CCDC112: variants seen among roughly 807,000 people sequenced by gnomAD.
The protein encoded by CCDC112 is coiled-coil domain containing 112, also known as coiled-coil domain-containing protein 112.
CCDC112 carries 40 observed loss-of-function variants against 66.3 expected under a neutral mutation model. That is an observed-to-expected ratio of 0.60 (90% CI 0.47 to 0.79). The LOEUF (loss-of-function observed/expected upper bound fraction) is 0.79. Ranked by LOEUF, CCDC112 falls within the 30% of genes least tolerant of loss-of-function variation. The pLI, the probability that CCDC112 is intolerant of heterozygous loss-of-function variation, is 0.00. For missense variants in CCDC112, 659 were observed against 603.8 expected, an observed-to-expected ratio of 1.09 and a Z score of -0.96; for synonymous variants, 214 against 197.2, an observed-to-expected ratio of 1.09 and a Z score of -0.71.
chr5:115,295,543 T>G (rs1750113860), intron 1 of CCDC112, among the ~76,000 whole-genome samples: 1 of 152,144 alleles, frequency 6.6e-6, no homozygotes. Context: ...AGATGGAACC[T>G]CTCCTCAGCT....
intron 1 of CCDC112, 64 bp downstream of exon 1, chr5:115,296,363 G>A (rs1750156784): frequency 4.0e-6 from 6 of 1,507,158 alleles, no homozygotes; most frequent in Non-Finnish European, 5.3e-6. Context: ...GAGGGCACCT[G>A]TTCAGCCAGG....
rs146955785 is a variant in CCDC112 at position 115,275,576 on chromosome 5, T to C, written c.558A>G (p.Thr186=). 2.0e-4 allele frequency: 320 copies of C among 1,595,484 alleles called. No homozygotes were observed. In the African/African-American group the frequency reaches 4.0e-3, roughly 20 times the overall value. The change falls in exon 6 of 10, where the codon ACA becomes ACG. Residue 186 remains threonine, a synonymous_variant. Transcript: ENST00000379611. ...ATATGGCACTCAACTCATTATTAGT[T>C]GTCTTCTCTTCTTTAATTAGCTCTT... The part of the protein sequence containing the change: ...IYEELIKEEK[T]TNNELSAISR...
chr5:115,280,835 C>G (rs1367700102), intron 2 of CCDC112, among the ~76,000 whole-genome samples: 1 of 151,818 alleles, frequency 6.6e-6, no homozygotes, highest in Non-Finnish European at 1.5e-5. Context: ...GCCATCATGC[C>G]CAGCCAAAAT....
intron 1 of CCDC112, among the ~76,000 whole-genome samples, chr5:115,288,180 C>A (rs975228676): frequency 6.6e-5 from 10 of 152,146 alleles, no homozygotes; most frequent in African/African-American, 2.2e-4. Flanking sequence ...AGGGTTTTGC[C>A]ATGCTGGCCA....
chr5:115,284,000 A>G (rs1334915164), intron 2 of CCDC112, among the ~76,000 whole-genome samples: 1 of 152,174 alleles, frequency 6.6e-6, no homozygotes, highest in Non-Finnish European at 1.5e-5. Context: ...TATATATTGA[A>G]AATTTAAAAT....
chr5:115,271,620 G>A lies in CCDC112; in HGVS notation c.925C>T (p.Gln309Ter). ...ALEERKKESIQIWKTKKQQKR... is the reference protein window; with the variant it reads ...ALEERKKESI ...TGCTGCTTTTTAGTTTTCCAAATCT[G>A]AATTGACTAAATGATTTTTTTAAAA... Residue 309 changes from glutamine to a stop codon, truncating the protein, a stop_gained, in exon 7 of 10, where the codon CAG (glutamine) becomes TAG (stop). Transcript: ENST00000379611. LOFTEE classifies it high-confidence loss of function. 6.7e-7 allele frequency: 1 copy of A among 1,500,704 alleles called. No individual in the cohort carries two copies. The highest frequency in any genetic ancestry group is 8.8e-7 in the Non-Finnish European group (1 of 1,130,724). The allele number at this position is 1,500,704 out of a possible 1,614,324, so 93.0% of individuals were successfully genotyped here. A position where few individuals can be genotyped will look rare whatever the true frequency, so the allele number is the denominator to read the frequency against.
At chr5:115,294,102 CTT>C (rs1178500692) in intron 1 of CCDC112, among the ~76,000 whole-genome samples, 1 of 152,076 alleles carries the variant, frequency 6.6e-6, no homozygotes, top group Non-Finnish European at 1.5e-5. Flanking sequence ...AATGTGTTAA[CTT>C]TTCATAATGA....
In CCDC112 at chr5:115,296,442, C is replaced by T; in HGVS notation, c.102G>A (p.Thr34=). The change falls in exon 1 of 10, where the codon ACG becomes ACA. Residue 34 remains threonine (T), a synonymous_variant. Transcript: ENST00000379611. ...CCGGATTTACCTGTTGAGGCGCTGG[C>T]GTCGCTCCCACGCCGGTCCCGGTGG... is the stretch of plus-strand genomic sequence containing the variant. ...GAATGTGVGA[T]PAPQQSDGCF... 1 of 1,566,722 alleles carries T rather than the reference C, an allele frequency of 6.4e-7. No homozygotes were observed. The highest frequency in any genetic ancestry group is 8.6e-7 in the Non-Finnish European group (1 of 1,164,418).
intron 3 of CCDC112, among the ~76,000 whole-genome samples, chr5:115,278,056 G>A (rs1749284219): frequency 6.6e-6 from 1 of 152,020 alleles, no homozygotes; most frequent in African/African-American, 2.4e-5. Context: ...GGCTTGTTCT[G>A]TGTTTTTCAT....
intron 1 of CCDC112, chr5:115,296,051 C>G: frequency 1.0e-6 from 1 of 1,003,846 alleles, no homozygotes; most frequent in Non-Finnish European, 1.2e-6. Context: ...GCACAGAGTC[C>G]CCCTCCAATC....
Position 115,267,842 on chromosome 5 carries a change from A to T in CCDC112, c.*34T>A, listed in dbSNP as rs1748800070. On this transcript the variant is annotated 3_prime_UTR_variant, in exon 10 of 10. Coordinates refer to ENST00000379611, the MANE Select transcript of CCDC112 (RefSeq NM_001040440.3). ...CTCCCTGGTATAACTTAGTATGTTA[A>T]CATTCTTATCAACTGAGTAGCAATT... is the stretch of plus-strand genomic sequence containing the variant. The T allele has an allele frequency of 6.4e-7, 1 of 1,552,204 alleles. No homozygotes were observed. The highest frequency in any genetic ancestry group is 8.9e-7 in the Non-Finnish European group (1 of 1,124,164).
chr5:115,278,129 T>C (rs1749287484), intron 3 of CCDC112, among the ~76,000 whole-genome samples: 1 of 152,168 alleles, frequency 6.6e-6, no homozygotes. Context: ...GGTCTTACTG[T>C]TGAACTTTAG....
intron 1 of CCDC112, among the ~76,000 whole-genome samples, chr5:115,287,286 G>C (rs573248689): frequency 3.3e-5 from 5 of 152,244 alleles, no homozygotes; most frequent in Admixed American, 3.3e-4. Flanking sequence ...ATGATGTTGA[G>C]CATTTTTTTC....
rs1031446208 is a variant in CCDC112 at position 115,279,668 on chromosome 5, T to A, written c.340A>T (p.Ile114Phe). The A allele has an allele frequency of 3.1e-6, 5 of 1,611,772 alleles. No individual in the cohort carries two copies. In the African/African-American group the frequency reaches 6.7e-5, roughly 22 times the overall value. The change falls in exon 3 of 10, where the codon ATT becomes TTT. Residue 114 changes from isoleucine (I) to phenylalanine (F), a missense_variant. Ile to Phe is a conservative substitution (Grantham distance 21). Coordinates refer to ENST00000379611, the MANE Select transcript of CCDC112 (RefSeq NM_001040440.3). ...SMLEELENKL[I>F]HSRKTERAKI... ...TTACTTTCTGTTTTCCTGCTGTGAA[T>A]CAATTTATTTTCCAATTCTTCTAGC... is the stretch of plus-strand genomic sequence containing the variant.
At chr5:115,289,529 A>G (rs988481686) in intron 1 of CCDC112, among the ~76,000 whole-genome samples, 1 of 152,192 alleles carries the variant, frequency 6.6e-6, no homozygotes, top group East Asian at 1.9e-4. Context: ...CCCTGTGGAA[A>G]TTCTTACTCT....
chr5:115,267,847 C>G lies in CCDC112; in HGVS notation c.*29G>C, dbSNP rs1748800413. The G allele has an allele frequency of 6.4e-7, 1 of 1,574,538 alleles. No homozygotes were observed. The highest frequency in any genetic ancestry group is 8.7e-7 in the Non-Finnish European group (1 of 1,144,446). On this transcript the variant is annotated 3_prime_UTR_variant, in exon 10 of 10. Transcript: ENST00000379611. ...TGGTATAACTTAGTATGTTAACATTCTTATCAACTGAGTAGCAATTTGATT... is the reference window on the plus strand; with the variant it reads ...TGGTATAACTTAGTATGTTAACATTGTTATCAACTGAGTAGCAATTTGATT...
rs145983307 is a variant in CCDC112 at position 115,271,560 on chromosome 5, C to T, written c.985G>A (p.Ala329Thr). Residue 329 changes from alanine (A) to threonine (T), a missense_variant, in exon 7 of 10, where the codon GCA becomes ACA. Coordinates refer to ENST00000379611, the MANE Select transcript of CCDC112 (RefSeq NM_001040440.3). ...REEIFKLKEK[A>T]DNTPVLFHNK... Reference sequence around the variant, plus strand: ...TGAAAAAGCACAGGTGTGTTGTCTGCCTTTTCCTTTAACTTGAAAATTTCC... The same window carrying T: ...TGAAAAAGCACAGGTGTGTTGTCTGTCTTTTCCTTTAACTTGAAAATTTCC... 1.7e-4 allele frequency: 268 copies of T among 1,579,874 alleles called. No homozygotes were observed. Among genetic ancestry groups the T allele is most frequent in the Non-Finnish European group, 1.7e-4 (200 of 1,169,464 alleles).
intron 2 of CCDC112, among the ~76,000 whole-genome samples, chr5:115,282,753 T>TA: frequency 6.6e-6 from 1 of 152,156 alleles, no homozygotes; most frequent in African/African-American, 2.4e-5. Context: ...GGATGAAGAG[T>TA]AAAACTGAGA....
At chr5:115,294,634 A>T (rs1386630592) in intron 1 of CCDC112, among the ~76,000 whole-genome samples, 2 of 152,210 alleles carry the variant, frequency 1.3e-5, no homozygotes, top group Admixed American at 6.5e-5. Context: ...GTATCATGAG[A>T]TTGCCACCAG....
Sources: gnomAD v4.1 joint callset for allele counts (sites outside exome capture counted in the v4.1 genomes callset) on GRCh38, gnomAD v4.1.1 for gene constraint, MANE v1.5 for transcripts, NCBI Gene and HGNC (gene_info 2026-07-23, HGNC 2026-07-21) for gene names.